Variants in ZAN observed in about 807,000 individuals in gnomAD.
ZAN encodes zonadhesin.
Under a neutral mutation model 286.2 loss-of-function variants are expected in ZAN, and 260 were observed. The ratio of observed to expected loss-of-function variants is 0.91; its 90% CI spans 0.82 to 1.01. The LOEUF (loss-of-function observed/expected upper bound fraction) is 1.01, where lower values mean the gene tolerates loss of function less well. Ranked by LOEUF, ZAN falls within the 50% of genes least tolerant of loss-of-function variation. ZAN has a pLI of 0.00. For synonymous variants in ZAN, 1,368 were observed against 1,417.5 expected, an observed-to-expected ratio of 0.97 and a Z score of 0.79; for missense variants, 3,410 against 3,639.2, an observed-to-expected ratio of 0.94 and a Z score of 1.62.
chr7:100,790,889 A>AAAAG, intron 39 of ZAN, 53 bp from the exon 40 acceptor site: 1 of 1,460,682 alleles, frequency 6.8e-7, no homozygotes, highest in East Asian at 2.5e-5. Flanking sequence ...TAAAAAAAAA[A>AAAAG]AAAAAAAAAA....
Position 100,735,891 on chromosome 7 carries a change from C to T in ZAN, c.106+119C>T. 3.7e-6 allele frequency: 3 copies of T among 816,822 alleles called. 1 individual carries two copies. The allele number at this position is 816,822 out of a possible 1,614,324, so 50.6% of individuals were successfully genotyped here. ...GCAGCCACCTCCAGTCCCCTCCGGG[C>T]ATCAGCCAGGACTACAAAATGTGTC... On this transcript the variant is annotated intron_variant, in intron 3 of 47. Transcript: ENST00000613979.
intron 29 of ZAN, 89 bp from the exon 30 acceptor site, chr7:100,773,196 T>G: frequency 6.9e-7 from 1 of 1,453,404 alleles, no homozygotes; most frequent in South Asian, 1.2e-5. Context: ...GAGCTACCGC[T>G]CCTGGCCACT....
At chr7:100,781,512 ACAGGTCCCGTG>A (rs1811192108) in intron 35 of ZAN, among the ~76,000 whole-genome samples, 1 of 152,106 alleles carries the variant, frequency 6.6e-6, no homozygotes, top group Non-Finnish European at 1.5e-5. Context: ...AAAGCAGCAC[ACAGGTCCCGTG>A]CAGAAGGGGG....
intron 17 of ZAN, 139 bp downstream of exon 17, chr7:100,758,789 G>A: frequency 1.4e-6 from 2 of 1,401,908 alleles, no homozygotes; most frequent in Non-Finnish European, 1.9e-6. Flanking sequence ...CTTCTGTAAG[G>A]TGAGGGTTGA....
chr7:100,767,120 A>G lies in ZAN; in HGVS notation c.4723A>G (p.Arg1575Gly). ...TYVLTRPCWSRSQDSYFVVSA... is the reference protein window; with the variant it reads ...TYVLTRPCWSGSQDSYFVVSA... The stretch of plus-strand genomic sequence containing the variant: ...TGTCCTGACCCGGCCTTGCTGGTCC[A>G]GGTCCCAAGACAGCTATTTTGTTGT... Residue 1575 changes from arginine (R) to glycine (G), a missense_variant, in exon 25 of 48, where the codon AGG becomes GGG. Arg to Gly is a moderately radical substitution (Grantham distance 125). Around this residue, in one of 7 missense-constraint regions of ZAN, gnomAD observed 1,042 missense variants for 1,058.0 expected, o/e 0.98. Coordinates refer to ENST00000613979, the MANE Select transcript of ZAN (RefSeq NM_003386.3). 1 of 1,613,892 alleles carries G rather than the reference A, an allele frequency of 6.2e-7. No homozygotes were observed. The highest frequency in any genetic ancestry group is 8.5e-7 in the Non-Finnish European group (1 of 1,179,860).
chr7:100,746,281 G>T (rs897081877), intron 7 of ZAN, among the ~76,000 whole-genome samples: 1 of 152,106 alleles, frequency 6.6e-6, no homozygotes, highest in Non-Finnish European at 1.5e-5. Flanking sequence ...GCACCCAAAG[G>T]TCAAAGTTCT....
chr7:100,770,023 C>T, intron 28 of ZAN, 49 bp downstream of exon 28: 1 of 1,509,184 alleles, frequency 6.6e-7, no homozygotes, highest in Non-Finnish European at 9.0e-7. Flanking sequence ...GGACAGGAGG[C>T]TGGGGAGGGA....
chr7:100,748,404 T>G lies in ZAN; in HGVS notation c.1183T>G (p.Trp395Gly). ...WVQTSGDGGH[W>G]ALGHKNGPVH... ...CCAGACTTCCGGGGATGGTGGACACTGGGCCCTCGGACATAAAAATGGACC... is the reference window on the plus strand; with the variant it reads ...CCAGACTTCCGGGGATGGTGGACACGGGGCCCTCGGACATAAAAATGGACC... Residue 395 changes from tryptophan to glycine, a missense_variant, in exon 11 of 48, where the codon TGG becomes GGG. Physicochemically the swap from Trp to Gly is radical, Grantham distance 184 (BLOSUM62 -2). Transcript: ENST00000613979. 6.2e-7 allele frequency: 1 copy of G among 1,613,394 alleles called. No individual in the cohort carries two copies. Among genetic ancestry groups the G allele is most frequent in the Non-Finnish European group, 8.5e-7 (1 of 1,179,898 alleles).
intron 37 of ZAN, among the ~76,000 whole-genome samples, chr7:100,786,989 G>A (rs962317416): frequency 3.3e-5 from 5 of 152,060 alleles, no homozygotes; most frequent in South Asian, 2.1e-4. Flanking sequence ...TTGAGCTCAG[G>A]AGTTTGAGGC....
At chr7:100,776,381 A>AAGGG (rs1810786416) in intron 33 of ZAN, 59 bp from the exon 34 acceptor site, 2 of 1,539,638 alleles carry the variant, frequency 1.3e-6, no homozygotes, top group Admixed American at 3.9e-5. Context: ...AGAAGGAAGG[A>AAGGG]AGGGAGAAAA....
chr7:100,783,311 C>G (rs149769323), intron 35 of ZAN, among the ~76,000 whole-genome samples: 1 of 151,888 alleles, frequency 6.6e-6, no homozygotes, highest in African/African-American at 2.4e-5. Context: ...ACAAAATAAA[C>G]GACTTATGGA....
intron 44 of ZAN, among the ~76,000 whole-genome samples, 165 bp from the exon 45 acceptor site, chr7:100,795,031 G>C (rs188575880): frequency 1.3e-5 from 2 of 152,200 alleles, no homozygotes; most frequent in African/African-American, 4.8e-5. Context: ...TTTCCCCAAA[G>C]CCCAGGGCTA....
Position 100,773,701 on chromosome 7 carries a change from C to G in ZAN, c.5635-20C>G. On this transcript the variant is annotated intron_variant, in intron 30 of 47. Coordinates refer to ENST00000613979, the MANE Select transcript of ZAN (RefSeq NM_003386.3). ...CAATTCCAACTTTCTGTTGGCTCAG[C>G]TGATCCCTGTGGCCCACAGGTCGGG... 1 of 1,602,830 alleles carries G rather than the reference C, an allele frequency of 6.2e-7. No individual in the cohort carries two copies. The highest frequency in any genetic ancestry group is 8.5e-7 in the Non-Finnish European group (1 of 1,174,454).
At chr7:100,787,849 A>C (rs1811659696) in intron 37 of ZAN, 40 bp from the exon 38 acceptor site, 1 of 1,462,778 alleles carries the variant, frequency 6.8e-7, no homozygotes, top group East Asian at 2.4e-5. Context: ...GGCGTGAGCC[A>C]CTGCGCCCGG....
At chr7:100,777,720 G>T (rs1282658166) in intron 34 of ZAN, among the ~76,000 whole-genome samples, 2 of 151,924 alleles carry the variant, frequency 1.3e-5, no homozygotes, top group African/African-American at 4.8e-5. Flanking sequence ...GGCACACCTG[G>T]GGCAGGAAGA....
In ZAN at chr7:100,738,700, C is replaced by A; in HGVS notation, c.766+87C>A. On this transcript the variant is annotated intron_variant, in intron 7 of 47. Transcript: ENST00000613979. The stretch of plus-strand genomic sequence containing the variant: ...GCCCTGGGACGGTCTGTCATGAACA[C>A]CTACAGCTTCAAGCCTCTTACCAGC... 1.5e-6 allele frequency: 2 copies of A among 1,314,392 alleles called. 1 individual carries two copies. Among genetic ancestry groups the A allele is most frequent in the Non-Finnish European group, 2.1e-6 (2 of 958,776 alleles). 81.4% of individuals were successfully genotyped at this position (1,314,392 alleles called of 1,614,324 possible).
intron 42 of ZAN, 50 bp from the exon 43 acceptor site, chr7:100,793,770 G>A: frequency 2.0e-6 from 3 of 1,532,520 alleles, no homozygotes; most frequent in Non-Finnish European, 2.6e-6. Flanking sequence ...CCTTGCCCCT[G>A]TTTGGCCTGC....
chr7:100,774,781 A>G (rs1261807978), intron 31 of ZAN, among the ~76,000 whole-genome samples: 2 of 151,678 alleles, frequency 1.3e-5, no homozygotes, highest in Non-Finnish European at 2.9e-5. Context: ...AGCTATGACC[A>G]TATGCCATTG....
chr7:100,792,485 C>T lies in ZAN; in HGVS notation c.7787+6C>T, dbSNP rs920016402. 6.2e-7 allele frequency: 1 copy of T among 1,613,812 alleles called. No individual in the cohort carries two copies. The highest frequency in any genetic ancestry group is 1.3e-5 in the African/African-American group (1 of 75,060). Reference sequence around the variant, plus strand: ...CGTTGCCAGGTCCTCAGTGGGTACGCCATCCTCTGCCAGGAGGCGGGCGCT... The same window carrying T: ...CGTTGCCAGGTCCTCAGTGGGTACGTCATCCTCTGCCAGGAGGCGGGCGCT... On this transcript the variant is annotated splice_donor_region_variant and intron_variant, in intron 42 of 47. Coordinates refer to ENST00000613979, the MANE Select transcript of ZAN (RefSeq NM_003386.3).
Sources: allele counts gnomAD v4.1 joint callset (sites outside exome capture counted in the v4.1 genomes callset), GRCh38; gene constraint gnomAD v4.1.1; regional missense constraint gnomAD v4.1.1; transcripts MANE v1.5; gene names NCBI Gene and HGNC (gene_info 2026-07-23, HGNC 2026-07-21).